Variants in DTL observed in about 807,000 individuals in gnomAD.
The protein encoded by DTL is denticleless protein homolog.
DTL carries 46 observed loss-of-function variants against 87.0 expected under a neutral mutation model. That is an observed-to-expected ratio of 0.53 (90% CI 0.42 to 0.68). DTL has a LOEUF of 0.68. Among genes scored for constraint, DTL ranks in the 30% least tolerant of loss-of-function variants. DTL has a pLI of 0.00. For missense variants in DTL, 737 were observed against 869.4 expected, an observed-to-expected ratio of 0.85 and a Z score of 1.91; for synonymous variants, 308 against 311.2, an observed-to-expected ratio of 0.99 and a Z score of 0.11.
intron 1 of DTL, among the ~76,000 whole-genome samples, chr1:212,041,514 G>A (rs1235641188): frequency 8.6e-6 from 1 of 116,084 alleles, no homozygotes; most frequent in African/African-American, 3.3e-5. Context: ...TGGCGGGGGG[G>A]TGGGGGGTGG....
chr1:212,085,526 C>T (rs1227523051), intron 13 of DTL, among the ~76,000 whole-genome samples: 3 of 152,086 alleles, frequency 2.0e-5, no homozygotes, highest in Non-Finnish European at 4.4e-5. Flanking sequence ...TGTAAGCATT[C>T]TTTATATATT....
chr1:212,051,432 A>G (rs1453312508), intron 5 of DTL: 44 of 330,108 alleles, frequency 1.3e-4, no homozygotes, highest in Admixed American at 3.7e-4. Context: ...TTTTTGTTGG[A>G]TATGAAATTC....
intron 11 of DTL, 27 bp from the exon 12 acceptor site, chr1:212,078,146 T>C (rs751324455): frequency 9.4e-5 from 131 of 1,386,822 alleles, no homozygotes; most frequent in Non-Finnish European, 1.3e-4. Context: ...ATTGCTTTGC[T>C]GACTTGTTTG....
intron 5 of DTL, among the ~76,000 whole-genome samples, chr1:212,060,747 A>C (rs1258083597): frequency 5.3e-5 from 8 of 152,030 alleles, no homozygotes; most frequent in Non-Finnish European, 1.2e-4. Flanking sequence ...AAAAAAAAAA[A>C]AAAAATCAAG....
At chr1:212,038,094 A>G (rs1667539733) in intron 1 of DTL, among the ~76,000 whole-genome samples, 1 of 152,186 alleles carries the variant, frequency 6.6e-6, no homozygotes, top group African/African-American at 2.4e-5. Flanking sequence ...CTCATTGTCT[A>G]CTGGGACCAT....
chr1:212,077,853 G>A (rs920719440), intron 11 of DTL, among the ~76,000 whole-genome samples: 3 of 152,152 alleles, frequency 2.0e-5, no homozygotes, highest in Non-Finnish European at 4.4e-5. Context: ...TAAGGAATAA[G>A]GGACAATGCC....
chr1:212,089,754 A>G (rs1268514363), intron 13 of DTL, among the ~76,000 whole-genome samples: 1 of 152,180 alleles, frequency 6.6e-6, no homozygotes, highest in Non-Finnish European at 1.5e-5. Flanking sequence ...AAATGCCCCA[A>G]CTTTCCAACA....
At chr1:212,083,202 A>G (rs552729524) in intron 13 of DTL, among the ~76,000 whole-genome samples, 1 of 152,322 alleles carries the variant, frequency 6.6e-6, no homozygotes, top group Admixed American at 6.5e-5. Context: ...TTTTACATGG[A>G]TGGCGGCAGG....
chr1:212,071,815 CT>C (rs745514069), intron 10 of DTL, among the ~76,000 whole-genome samples: 1 of 152,088 alleles, frequency 6.6e-6, no homozygotes, highest in Non-Finnish European at 1.5e-5. Context: ...TGGCTGGATT[CT>C]TTTTTTAAGG....
chr1:212,059,302 TAA>T (rs558660938), intron 5 of DTL, among the ~76,000 whole-genome samples: 3 of 142,478 alleles, frequency 2.1e-5, no homozygotes, highest in Non-Finnish European at 1.5e-5. Context: ...AACAGCACAT[TAA>T]AAAAAAAAAA....
intron 1 of DTL, among the ~76,000 whole-genome samples, chr1:212,042,230 A>AGACAT (rs548763155): frequency 0.056 from 8,538 of 152,208 alleles, 792 homozygotes; most frequent in East Asian, 0.47. Context: ...AGATGTCTTT[A>AGACAT]CTATGTAGGA....
At chr1:212,049,294 A>G (rs1289276554) in intron 5 of DTL, among the ~76,000 whole-genome samples, 1 of 152,154 alleles carries the variant, frequency 6.6e-6, no homozygotes, top group Non-Finnish European at 1.5e-5. Flanking sequence ...TTGAAGGGGA[A>G]ATATGGCATG....
rs149503359 is a variant in DTL at position 212,065,767 on chromosome 1, G to A, written c.639+738G>A. On this transcript the variant is annotated intron_variant, in intron 7 of 14. Coordinates refer to ENST00000366991, the MANE Select transcript of DTL (RefSeq NM_016448.4). ...GTCACCCAGGCTGGAGTGCAGTGGCGCAATCTTGGCTCACTGCAAGCACCG... is the reference window on the plus strand; with the variant it reads ...GTCACCCAGGCTGGAGTGCAGTGGCACAATCTTGGCTCACTGCAAGCACCG... 2.1e-3 allele frequency among the ~76,000 whole-genome samples: 325 copies of A among 152,220 alleles called. 2 individuals are homozygous for A. The highest frequency in any genetic ancestry group is 7.5e-3 in the African/African-American group (312 of 41,538).
At chr1:212,074,378 T>TG (rs1476780603) in intron 11 of DTL, among the ~76,000 whole-genome samples, 1 of 152,172 alleles carries the variant, frequency 6.6e-6, no homozygotes, top group Non-Finnish European at 1.5e-5. Context: ...GTGGGAATAC[T>TG]TGCCTTTAAA....
At chr1:212,081,415 G>A (rs1310921560) in intron 13 of DTL, among the ~76,000 whole-genome samples, 4 of 152,350 alleles carry the variant, frequency 2.6e-5, no homozygotes, top group African/African-American at 7.2e-5. Context: ...GGGAATAGTA[G>A]TAGAAAATGA....
At chr1:212,041,101 G>A (rs1175248461) in intron 1 of DTL, among the ~76,000 whole-genome samples, 2 of 152,194 alleles carry the variant, frequency 1.3e-5, no homozygotes. Flanking sequence ...CAAATGTGTT[G>A]TGGAGGAAAG....
At position 212,068,265 on chromosome 1, in the gene DTL, A is replaced by G; in HGVS notation, c.755A>G (p.Tyr252Cys). The G allele has an allele frequency of 6.2e-7, 1 of 1,612,240 alleles. No homozygotes were observed. The highest frequency in any genetic ancestry group is 8.5e-7 in the Non-Finnish European group (1 of 1,179,462). The change falls in exon 9 of 15, where the codon TAT becomes TGT. Residue 252 changes from tyrosine to cysteine, a missense_variant. Tyr to Cys is a radical substitution (Grantham distance 194). Coordinates refer to ENST00000366991, the MANE Select transcript of DTL (RefSeq NM_016448.4). Reference sequence around the variant, plus strand: ...GATTTACGTAAGAATTATACTGCTTATCGACAAGAACCCATAGCATCCAAG... The same window carrying G: ...GATTTACGTAAGAATTATACTGCTTGTCGACAAGAACCCATAGCATCCAAG... ...VWDLRKNYTAYRQEPIASKSF... is the reference protein window; with the variant it reads ...VWDLRKNYTACRQEPIASKSF...
chr1:212,073,454 A>T (rs555899367), intron 11 of DTL, among the ~76,000 whole-genome samples: 1 of 152,306 alleles, frequency 6.6e-6, no homozygotes, highest in East Asian at 1.9e-4. Context: ...AGAGAAAGTT[A>T]TATCATTTTT....
chr1:212,039,071 G>A (rs1232864843), intron 1 of DTL, among the ~76,000 whole-genome samples: 2 of 151,980 alleles, frequency 1.3e-5, no homozygotes, highest in Non-Finnish European at 2.9e-5. Context: ...TGCTTGAAAA[G>A]CTCTTTTACT....
Sources: gnomAD v4.1 joint callset for allele counts (sites outside exome capture counted in the v4.1 genomes callset) on GRCh38, gnomAD v4.1.1 for gene constraint, MANE v1.5 for transcripts, NCBI Gene and HGNC (gene_info 2026-07-23, HGNC 2026-07-21) for gene names.